Variants in ANK2 observed in about 807,000 individuals in gnomAD.
ANK2 encodes the protein ankyrin-2.
ANK2 carries 83 observed loss-of-function variants against 360.5 expected under a neutral mutation model. That is an observed-to-expected ratio of 0.23 (90% CI 0.19 to 0.28). ANK2 has a LOEUF of 0.28. Ranked by LOEUF, ANK2 falls within the 10% of genes least tolerant of loss-of-function variation. The pLI is 1.00. For synonymous variants in ANK2, 1,740 were observed against 1,759.5 expected (o/e 0.99, Z 0.28); for missense variants, 4,201 against 4,795.7 (o/e 0.88, Z 3.66).
chr4:113,349,211 G>A (rs1284077641), intron 36 of ANK2, among the ~76,000 whole-genome samples: 1 of 152,046 alleles, frequency 6.6e-6, no homozygotes. Context: ...TAAAGCAAAT[G>A]TGTGTTTGTC....
At chr4:113,295,936 T>C (rs1171481263) in intron 22 of ANK2, among the ~76,000 whole-genome samples, 1 of 152,182 alleles carries the variant, frequency 6.6e-6, no homozygotes, top group Admixed American at 6.5e-5. Context: ...TCTGGGAGTC[T>C]TCTTACAATA....
At chr4:112,784,531 G>A in the ANK2 span, among the ~76,000 whole-genome samples, 8 of 151,856 alleles carry the variant, frequency 5.3e-5, no homozygotes, top group Non-Finnish European at 7.4e-5. Flanking sequence ...TTGTAGTAGA[G>A]ACGGGGTTTC....
intron 1 of ANK2, among the ~76,000 whole-genome samples, chr4:112,858,769 T>C (rs1003533718): frequency 2.0e-5 from 3 of 152,226 alleles, no homozygotes; most frequent in African/African-American, 4.8e-5. Flanking sequence ...TCTCTTCACA[T>C]TGTAGGTAGG....
Position 113,354,682 on chromosome 4 carries a change from C to A in ANK2, c.6064C>A (p.Gln2022Lys), listed in dbSNP as rs766559350. 3 of 1,613,882 alleles carry A rather than the reference C, an allele frequency of 1.9e-6. No homozygotes were observed. Among genetic ancestry groups the A allele is most frequent in the Admixed American group, 1.7e-5 (1 of 60,000 alleles). The change falls in exon 38 of 46, where the codon CAA (glutamine) becomes AAA (lysine). Residue 2022 changes from glutamine to lysine, a missense_variant. Physicochemically the swap from Gln to Lys is moderately conservative, Grantham distance 53 (BLOSUM62 1). This residue lies in a region of ANK2 where 2,642 missense variants were observed against 2,714.5 expected (regional missense o/e 0.97). Coordinates refer to ENST00000357077, the MANE Select transcript of ANK2 (RefSeq NM_001148.6). ...CAAATCAGCAAAACAAAAGCAGCCACAAGAGAAAGGTAAAGTTCGGGTAGA... is the reference window on the plus strand; with the variant it reads ...CAAATCAGCAAAACAAAAGCAGCCAAAAGAGAAAGGTAAAGTTCGGGTAGA... The part of the protein sequence containing the change: ...EHKSAKQKQP[Q>K]EKGKVRVEKE...
chr4:113,016,026 A>G (rs2056512429), intron 2 of ANK2, among the ~76,000 whole-genome samples: 1 of 151,792 alleles, frequency 6.6e-6, no homozygotes, highest in Admixed American at 6.6e-5. Context: ...TTTTTTTTCA[A>G]AAATTTTTTT....
intron 2 of ANK2, among the ~76,000 whole-genome samples, chr4:112,943,799 G>A (rs576240603): frequency 6.6e-6 from 1 of 151,986 alleles, no homozygotes; most frequent in Non-Finnish European, 1.5e-5. Context: ...TAAACATTTG[G>A]GGGAGAGGGT....
chr4:112,813,766 G>A (rs1355988607), upstream of ANK2, among the ~76,000 whole-genome samples: 1 of 152,100 alleles, frequency 6.6e-6, no homozygotes, highest in Non-Finnish European at 1.5e-5. Flanking sequence ...AAACTCCTGA[G>A]CTCAAGCTGT....
intron 3 of ANK2, 28 bp downstream of exon 3, chr4:113,196,494 T>G: frequency 6.3e-7 from 1 of 1,582,090 alleles, no homozygotes; most frequent in African/African-American, 1.3e-5. Flanking sequence ...AGAACATTTT[T>G]TTCCTTAGAA....
chr4:113,146,651 A>G (rs2096847230), intron 1 of ANK2, among the ~76,000 whole-genome samples: 1 of 151,042 alleles, frequency 6.6e-6, no homozygotes, highest in African/African-American at 2.4e-5. Context: ...GTGTTCCTTA[A>G]AATGGGTACA....
intron 43 of ANK2, among the ~76,000 whole-genome samples, chr4:113,370,304 A>AT (rs199985481): frequency 0.17 from 24,790 of 149,446 alleles, 4,271 homozygotes; most frequent in African/African-American, 0.44. Flanking sequence ...TCCAAGTTAG[A>AT]TTTTTTTTTT....
At chr4:113,242,023 C>T in intron 8 of ANK2, 88 bp from the exon 9 acceptor site, 2 of 1,067,302 alleles carry the variant, frequency 1.9e-6, no homozygotes, top group Non-Finnish European at 1.5e-6. Flanking sequence ...ACGTAGGTCA[C>T]AACTTCCTTT....
Position 113,032,958 on chromosome 4 carries a change from T to C in ANK2, c.21+128444T>C, listed in dbSNP as rs548526154. Reference sequence around the variant, plus strand: ...GAGCTTTAGGAGCTCCCAGCTGACATTCACTATATCATAAAATAGCTTCCA... The same window carrying C: ...GAGCTTTAGGAGCTCCCAGCTGACACTCACTATATCATAAAATAGCTTCCA... On this transcript the variant is annotated intron_variant, in intron 2 of 30. Coordinates refer to the ANK2 transcript ENST00000503271. Among the ~76,000 whole-genome samples the C allele has an allele frequency of 5.9e-5, 9 of 152,158 alleles. No individual in the cohort carries two copies. In the East Asian group the frequency reaches 1.4e-3, roughly 23 times the overall value.
chr4:112,976,034 C>T (rs1280606746), intron 2 of ANK2, among the ~76,000 whole-genome samples: 3 of 152,030 alleles, frequency 2.0e-5, no homozygotes, highest in Non-Finnish European at 4.4e-5. Context: ...CTCACACATG[C>T]TCTGACATTT....
At chr4:112,788,620 G>C in the ANK2 span, 7,802 of 1,599,714 alleles carry the variant, frequency 4.9e-3, 27 homozygotes, top group Non-Finnish European at 6.0e-3. Flanking sequence ...TGGCGGTCCA[G>C]GGCCTGGGTG....
intron 35 of ANK2, among the ~76,000 whole-genome samples, chr4:113,346,351 C>T (rs1235093028): frequency 6.6e-6 from 1 of 152,098 alleles, no homozygotes; most frequent in Non-Finnish European, 1.5e-5. Flanking sequence ...ATTTTTAAAA[C>T]TAATTGGCTT....
chr4:113,208,566 GATATAGCTC>G (rs1209989566), intron 4 of ANK2, among the ~76,000 whole-genome samples: 1 of 151,942 alleles, frequency 6.6e-6, no homozygotes, highest in East Asian at 1.9e-4. Context: ...GCAGTGGCAT[GATATAGCTC>G]ACTGCAGTCT....
rs560251325 is a variant in ANK2 at position 112,987,057 on chromosome 4, A to C, written c.21+82543A>C. Among the ~76,000 whole-genome samples the C allele has an allele frequency of 1.3e-3, 205 of 152,330 alleles. 1 individual carries two copies. Among genetic ancestry groups the C allele is most frequent in the African/African-American group, 4.4e-3 (183 of 41,580 alleles). ...AAAACACACACAAAAAAAATTTCAT[A>C]ATGTTTTAAGAAAGTTTATGAATTT... On this transcript the variant is annotated intron_variant, in intron 2 of 30. Transcript: ENST00000503271.
intron 1 of ANK2, among the ~76,000 whole-genome samples, chr4:112,874,346 G>T (rs961707029): frequency 2.7e-5 from 4 of 146,094 alleles, no homozygotes; most frequent in Non-Finnish European, 6.0e-5. Flanking sequence ...GCCTCCCAAA[G>T]TGCTGGGATT....
At chr4:112,921,542 T>C (rs2091527903) in intron 2 of ANK2, among the ~76,000 whole-genome samples, 1 of 152,206 alleles carries the variant, frequency 6.6e-6, no homozygotes, top group South Asian at 2.1e-4. Flanking sequence ...GGTGCAATCA[T>C]AGCACACTAC....
Sources: allele counts gnomAD v4.1 joint callset (sites outside exome capture counted in the v4.1 genomes callset), GRCh38; gene constraint gnomAD v4.1.1; regional missense constraint gnomAD v4.1.1; transcripts MANE v1.5; gene names NCBI Gene and HGNC (gene_info 2026-07-23, HGNC 2026-07-21).